OTOF: variants seen among roughly 807,000 people sequenced by gnomAD.
The protein encoded by OTOF is otoferlin.
A neutral mutation model predicts 236.8 loss-of-function variants in OTOF; 218 were observed. The observed-to-expected ratio is 0.92, with a 90% CI of 0.82 to 1.03. The LOEUF is 1.03. OTOF is among the 50% of genes least tolerant of loss of function. The pLI, the probability that OTOF is intolerant of heterozygous loss-of-function variation, is 0.00. For missense variants in OTOF, 2,590 were observed against 2,694.4 expected (o/e 0.96, Z 0.86); for synonymous variants, 1,041 against 1,072.5 (o/e 0.97, Z 0.57).
At chr2:26,533,350 A>T (rs138442074) in intron 2 of OTOF, among the ~76,000 whole-genome samples, 125 of 152,290 alleles carry the variant, frequency 8.2e-4, no homozygotes, top group African/African-American at 2.8e-3. Context: ...CGGATTTGCA[A>T]GCTTAAAGGC....
At chr2:26,458,789 C>G (rs1664312971) in intron 46 of OTOF, among the ~76,000 whole-genome samples, 2 of 152,196 alleles carry the variant, frequency 1.3e-5, no homozygotes, top group South Asian at 4.1e-4. Context: ...TGTAAAATGT[C>G]AAGATACAAG....
At position 26,516,536 on chromosome 2, in the gene OTOF, C is replaced by T. The variant is rs752935927; in HGVS notation, c.391G>A (p.Gly131Arg). 5 of 1,612,934 alleles carry T rather than the reference C, an allele frequency of 3.1e-6. No homozygotes were observed. In the South Asian group the frequency reaches 5.5e-5, roughly 18 times the overall value. Residue 131 changes from glycine to arginine, a missense_variant, in exon 5 of 47, where the codon GGG becomes AGG. Coordinates refer to ENST00000272371, the MANE Select transcript of OTOF (RefSeq NM_194248.3). ...TDGTVGSWDD[G>R]DFLGDESLQE... The stretch of plus-strand genomic sequence containing the variant: ...AGAGACTCATCTCCCAGGAAGTCCC[C>T]ATCGTCCCAGGAGCCCACTGTGCCG...
rs772232170 is a variant in OTOF, at chr2:26,466,047, G to A, written c.4530C>T (p.Asn1510=). The part of the protein sequence containing the change: ...RATDLHPADI[N]GKADPYIAIR... ...TGGCGATGTAGGGGTCAGCTTTGCCGTTGATGTCAGCAGGGTGCAGGTCCG... is the reference window on the plus strand; with the variant it reads ...TGGCGATGTAGGGGTCAGCTTTGCCATTGATGTCAGCAGGGTGCAGGTCCG... Residue 1510 remains asparagine (N), a synonymous_variant, in exon 37 of 47, where the codon AAC becomes AAT. Transcript: ENST00000272371. 6.8e-6 allele frequency: 11 copies of A among 1,614,114 alleles called. No individual in the cohort carries two copies. The highest frequency in any genetic ancestry group is 1.6e-4 in the Middle Eastern group (1 of 6,084).
chr2:26,511,381 C>G (rs1199976967), intron 5 of OTOF, among the ~76,000 whole-genome samples: 2 of 152,210 alleles, frequency 1.3e-5, no homozygotes, highest in Non-Finnish European at 2.9e-5. Flanking sequence ...GCCCCCCTAT[C>G]TCACTTTAGG....
rs1204522993 is a variant in OTOF at position 26,474,565 on chromosome 2, T to C, written c.3236A>G (p.Tyr1079Cys). 6.2e-7 allele frequency: 1 copy of C among 1,613,156 alleles called. No homozygotes were observed. Among genetic ancestry groups the C allele is most frequent in the Non-Finnish European group, 8.5e-7 (1 of 1,179,996 alleles). Residue 1079 changes from tyrosine to cysteine, a missense_variant, in exon 26 of 47, where the codon TAC (tyrosine) becomes TGC (cysteine). Around this residue, in one of 2 missense-constraint regions of OTOF, gnomAD observed 1,211 missense variants for 1,352.8 expected, o/e 0.90. Transcript: ENST00000272371. Reference protein sequence around the residue: ...FPPQLEYYQIYRGNATAGDLL... With the variant: ...FPPQLEYYQICRGNATAGDLL... ...GTCTCCAGCTGTGGCGTTGCCACGG[T>C]AGATCTGGTAGTACTCGAGCTGAGG... is the stretch of plus-strand genomic sequence containing the variant.
chr2:26,487,319 C>T (rs1264131278), intron 11 of OTOF, among the ~76,000 whole-genome samples: 1 of 152,120 alleles, frequency 6.6e-6, no homozygotes, highest in African/African-American at 2.4e-5. Context: ...ACTCCAGGAC[C>T]CATGTGACTT....
intron 30 of OTOF, among the ~76,000 whole-genome samples, chr2:26,471,760 G>A (rs182468082): frequency 1.1e-4 from 16 of 152,022 alleles, no homozygotes; most frequent in Admixed American, 3.9e-4. Flanking sequence ...ATGTATGCAC[G>A]CATGTGCACA....
At chr2:26,528,021 G>T (rs1464302924) in intron 2 of OTOF, 101 bp from the exon 3 acceptor site, 5 of 845,832 alleles carry the variant, frequency 5.9e-6, no homozygotes, top group Non-Finnish European at 1.0e-5. Context: ...CAGTCAGAGT[G>T]GCCCCTCACT....
Position 26,473,941 on chromosome 2 carries a change from G to C in OTOF, c.3408+50C>G, listed in dbSNP as rs1169254317. On this transcript the variant is annotated intron_variant, in intron 27 of 46. Coordinates refer to ENST00000272371, the MANE Select transcript of OTOF (RefSeq NM_194248.3). This position sits in a 1 kb window ranked among gnomAD's most constrained non-coding sequence, Gnocchi z 7.2. ...GATGACAAGCCACTTCCCCTCCTGG[G>C]TCCTCAGACTCCTCATCCAAAAGGG... is the stretch of plus-strand genomic sequence containing the variant. The C allele has an allele frequency of 3.1e-6, 5 of 1,610,994 alleles. No individual in the cohort carries two copies. In the South Asian group the frequency reaches 5.5e-5, roughly 18 times the overall value.
rs571712315 is a variant in OTOF, at chr2:26,473,198, C to T, written c.3667G>A (p.Val1223Ile). The part of the protein sequence containing the change: ...GRYTLVGSHA[V>I]SSLRRFIYRP... ...TAGATGAAGCGTCGCAGGGAGCTGA[C>T]GGCATGGGAGCCCACCAGTGTGTAG... The change falls in exon 29 of 47, where the codon GTC (valine) becomes ATC (isoleucine). Residue 1223 changes from valine (V) to isoleucine (I), a missense_variant. Around this residue, in one of 2 missense-constraint regions of OTOF, gnomAD observed 1,211 missense variants for 1,352.8 expected, o/e 0.90. Transcript: ENST00000272371. The surrounding 1 kb of genome is among the most constrained non-coding windows in gnomAD (Gnocchi z 7.2). The T allele has an allele frequency of 1.3e-5, 21 of 1,613,128 alleles. No homozygotes were observed. Among genetic ancestry groups the T allele is most frequent in the African/African-American group, 2.7e-5 (2 of 75,026 alleles).
At chr2:26,466,978 T>C (rs1664757582) in intron 35 of OTOF, 121 bp downstream of exon 35, 2 of 1,542,354 alleles carry the variant, frequency 1.3e-6, no homozygotes, top group Non-Finnish European at 1.8e-6. Flanking sequence ...TGCTGAGTCA[T>C]GGGAGAGTCC....
rs930408087 is a variant in OTOF at position 26,483,479 on chromosome 2, A to C, written c.1375T>G (p.Phe459Val). 1 of 1,613,732 alleles carries C rather than the reference A, an allele frequency of 6.2e-7. No homozygotes were observed. The highest frequency in any genetic ancestry group is 1.3e-5 in the African/African-American group (1 of 74,934). The change falls in exon 13 of 47, where the codon TTC becomes GTC. Residue 459 changes from phenylalanine (F) to valine (V), a missense_variant. This residue lies in a region of OTOF where 1,379 missense variants were observed against 1,341.6 expected (regional missense o/e 1.03). Coordinates refer to ENST00000272371, the MANE Select transcript of OTOF (RefSeq NM_194248.3). Reference sequence around the variant, plus strand: ...CCCAGTACCTTCTGGCCAGCAAAGAAGACTTGCACGTAGGGGTCCACGAGG... The same window carrying C: ...CCCAGTACCTTCTGGCCAGCAAAGACGACTTGCACGTAGGGGTCCACGAGG... ...KDLVDPYVQV[F>V]FAGQKGKTSV...
At chr2:26,491,603 G>A (rs1377034514) in intron 9 of OTOF, among the ~76,000 whole-genome samples, 1 of 152,196 alleles carries the variant, frequency 6.6e-6, no homozygotes, top group Admixed American at 6.5e-5. Context: ...AAGGATCCAA[G>A]GCAAAGGGGA....
chr2:26,461,849 G>C lies in OTOF; in HGVS notation c.5380C>G (p.Leu1794Val), dbSNP rs1223584310. Residue 1794 changes from leucine to valine, a missense_variant, in exon 43 of 47, where the codon CTG (leucine) becomes GTG (valine). Around this residue, in one of 2 missense-constraint regions of OTOF, gnomAD observed 1,211 missense variants for 1,352.8 expected, o/e 0.90. Transcript: ENST00000272371. This position sits in a 1 kb window ranked among gnomAD's most constrained non-coding sequence, Gnocchi z 6.2. ...GCCGCCAGGTAGTCGAAGGGGAACA[G>C]GTAGCGCCAGTTGAAGTTGCCCTCG... ...TGEGNFNWRY[L>V]FPFDYLAAEE... 3.1e-6 allele frequency: 5 copies of C among 1,614,204 alleles called. No homozygotes were observed. In the South Asian group the frequency reaches 5.5e-5, roughly 18 times the overall value.
intron 3 of OTOF, among the ~76,000 whole-genome samples, chr2:26,521,162 G>A (rs1394519205): frequency 6.6e-6 from 1 of 152,198 alleles, no homozygotes; most frequent in African/African-American, 2.4e-5. Flanking sequence ...AAGTTTCCAG[G>A]TGATGCTGAA....
intron 8 of OTOF, among the ~76,000 whole-genome samples, chr2:26,497,089 C>CTTTTTTTTTTTTT (rs201349303): frequency 3.1e-5 from 3 of 97,758 alleles, no homozygotes; most frequent in Admixed American, 1.5e-4. Flanking sequence ...GTACATTCTT[C>CTTTTTTTTTTTTT]TTTTTTTTTT....
Position 26,495,028 on chromosome 2 carries a change from T to A in OTOF, c.811A>T (p.Met271Leu), listed in dbSNP as rs756372726. ...ACCTCCACGCACACCACAGGGTCCA[T>A]GTTCAAGCCCACCAGCTGCCGGGCC... ...IEARQLVGLN[M>L]DPVVCVEVGD... The change falls in exon 9 of 47, where the codon ATG becomes TTG. Residue 271 changes from methionine to leucine, a missense_variant. Met to Leu is a conservative substitution (Grantham distance 15, BLOSUM62 2). Transcript: ENST00000272371. 3 of 1,614,084 alleles carry A rather than the reference T, an allele frequency of 1.9e-6. No homozygotes were observed. The highest frequency in any genetic ancestry group is 2.5e-6 in the Non-Finnish European group (3 of 1,179,972).
At chr2:26,491,788 A>G (rs1477389376) in intron 9 of OTOF, among the ~76,000 whole-genome samples, 1 of 152,238 alleles carries the variant, frequency 6.6e-6, no homozygotes, top group Admixed American at 6.5e-5. Flanking sequence ...GCTCAGGGCC[A>G]GGCAGGGTGA....
At chr2:26,545,049 A>AG (rs1667298436) in intron 1 of OTOF, among the ~76,000 whole-genome samples, 1 of 152,088 alleles carries the variant, frequency 6.6e-6, no homozygotes, top group Non-Finnish European at 1.5e-5. Context: ...CCAAAAAAAA[A>AG]AAAAAAGAAA....
Sources: allele counts gnomAD v4.1 joint callset (sites outside exome capture counted in the v4.1 genomes callset), GRCh38; gene constraint gnomAD v4.1.1; regional missense constraint gnomAD v4.1.1; non-coding constraint Gnocchi (gnomAD v3.1); transcripts MANE v1.5; gene names NCBI Gene and HGNC (gene_info 2026-07-23, HGNC 2026-07-21).